Variants in OR2T33 observed in about 807,000 individuals in gnomAD.
OR2T33 encodes the protein olfactory receptor family 2 subfamily T member 33.
In OR2T33, 10 loss-of-function variants were observed where a neutral mutation model predicts 14.0. The observed-to-expected ratio is 0.72, with a 90% CI of 0.44 to 1.22. OR2T33 has a LOEUF of 1.22. OR2T33 is among the 50% of genes most tolerant of loss of function. The probability of loss-of-function intolerance (pLI) is 0.00; values close to 1 mark genes in which losing one functional copy is unlikely to be tolerated. For synonymous variants in OR2T33, 103 were observed against 159.4 expected, an observed-to-expected ratio of 0.65 and a Z score of 2.66; for missense variants, 276 against 405.9, an observed-to-expected ratio of 0.68 and a Z score of 2.75.
At chr1:248,275,702 T>A (rs542877018) in intron 1 of OR2T33, among the ~76,000 whole-genome samples, 5 of 147,380 alleles carry the variant, frequency 3.4e-5, no homozygotes, top group South Asian at 2.2e-4. Flanking sequence ...TAAAATAAAA[T>A]AGAATAATAA....
intron 1 of OR2T33, among the ~76,000 whole-genome samples, chr1:248,276,057 G>A (rs750342431): frequency 2.0e-5 from 3 of 152,200 alleles, no homozygotes; most frequent in South Asian, 2.1e-4. Context: ...GGATGGTTTC[G>A]GGATGATACT....
At chr1:248,274,304 A>C (rs1659424987) in intron 1 of OR2T33, among the ~76,000 whole-genome samples, 1 of 152,180 alleles carries the variant, frequency 6.6e-6, no homozygotes, top group Non-Finnish European at 1.5e-5. Context: ...CAGTTGCTTT[A>C]TTTTAGGTTA....
rs1255132037 is a variant in OR2T33, at chr1:248,272,167, G to T, written c.*685C>A. Reference sequence around the variant, plus strand: ...AAGCAGGTGTAGAAAACAGAACTTAGTTGTAGTTTAAAACAATTTTCCAAT... The same window carrying T: ...AAGCAGGTGTAGAAAACAGAACTTATTTGTAGTTTAAAACAATTTTCCAAT... On this transcript the variant is annotated 3_prime_UTR_variant, in exon 2 of 2. Coordinates refer to ENST00000641220, the MANE Select transcript of OR2T33 (RefSeq NM_001004695.2). The T allele has an allele frequency of 1.3e-5, 2 of 151,986 alleles. No homozygotes were observed. Among genetic ancestry groups the T allele is most frequent in the Non-Finnish European group, 2.9e-5 (2 of 68,002 alleles). 9.4% of individuals were successfully genotyped at this position (151,986 alleles called of 1,614,324 possible). A position where few individuals can be genotyped will look rare whatever the true frequency, so the allele number is the denominator to read the frequency against.
At chr1:248,277,260 C>A (rs1411234826) in intron 1 of OR2T33, among the ~76,000 whole-genome samples, 1 of 151,960 alleles carries the variant, frequency 6.6e-6, no homozygotes, top group Non-Finnish European at 1.5e-5. Flanking sequence ...CATGCCCTTT[C>A]TGAAGCTGGT....
intron 1 of OR2T33, among the ~76,000 whole-genome samples, chr1:248,274,704 T>C (rs1206940759): frequency 6.6e-6 from 1 of 152,180 alleles, no homozygotes; most frequent in East Asian, 1.9e-4. Flanking sequence ...TAAGTAGTAC[T>C]TCGAGTAAGA....
At chr1:248,275,680 C>T (rs1226260676) in intron 1 of OR2T33, among the ~76,000 whole-genome samples, 1 of 150,686 alleles carries the variant, frequency 6.6e-6, no homozygotes, top group Non-Finnish European at 1.5e-5. Flanking sequence ...ACATGTATCC[C>T]AGAACTCAGA....
In OR2T33 at chr1:248,273,380, C is replaced by G; in HGVS notation, c.435G>C (p.Ser145=). The change falls in exon 2 of 2, where the codon TCG becomes TCC. Residue 145 remains serine (S), a synonymous_variant. Coordinates refer to ENST00000641220, the MANE Select transcript of OR2T33 (RefSeq NM_001004695.2). The stretch of plus-strand genomic sequence containing the variant: ...CGTCAGCTGCACCCAGGAGCCAACA[C>G]GACATGGTCATCCTCAGGCACAGCT... ...SWQLCLRMTM[S]CWLLGAADGL... 6.2e-7 allele frequency: 1 copy of G among 1,611,260 alleles called. No homozygotes were observed. The highest frequency in any genetic ancestry group is 8.5e-7 in the Non-Finnish European group (1 of 1,179,546).
intron 1 of OR2T33, among the ~76,000 whole-genome samples, chr1:248,276,077 C>T (rs977522312): frequency 2.6e-5 from 4 of 152,076 alleles, no homozygotes; most frequent in South Asian, 2.1e-4. Flanking sequence ...TGTTTCACCT[C>T]GGATCATCAG....
At chr1:248,276,581 T>C (rs1659449506) in intron 1 of OR2T33, among the ~76,000 whole-genome samples, 1 of 152,144 alleles carries the variant, frequency 6.6e-6, no homozygotes, top group East Asian at 1.9e-4. Context: ...TGGTTATACT[T>C]ATTCAAAATT....
chr1:248,272,981 C>T lies in OR2T33; in HGVS notation c.834G>A (p.Met278Ile), dbSNP rs750256099. ...TGAGGGGGTTTAGTAAAGGGGTGAA[C>T]ATAGTATAGAAGGCTGACACAACCT... ...HDKVVSAFYT[M>I]FTPLLNPLIY... The change falls in exon 2 of 2, where the codon ATG (methionine) becomes ATA (isoleucine). Residue 278 changes from methionine (M) to isoleucine (I), a missense_variant. Transcript: ENST00000641220. 2.5e-6 allele frequency: 4 copies of T among 1,613,868 alleles called. No individual in the cohort carries two copies. The South Asian group carries it at 3.3e-5, about 13-fold the overall frequency.
At position 248,273,657 on chromosome 1, in the gene OR2T33, A is replaced by G; in HGVS notation, c.158T>C (p.Leu53Pro). ...CAGGAGGAAGTACATGGGCGTGTGG[A>G]GCCGGTGGTCCCAGTGAATCAGGAG... ...MILLIHWDHR[L>P]HTPMYFLLSQ... The change falls in exon 2 of 2, where the codon CTC (leucine) becomes CCC (proline). Residue 53 changes from leucine (L) to proline (P), a missense_variant. Transcript: ENST00000641220. 6.2e-7 allele frequency: 1 copy of G among 1,613,540 alleles called. No individual in the cohort carries two copies. The highest frequency in any genetic ancestry group is 8.5e-7 in the Non-Finnish European group (1 of 1,179,820).
chr1:248,272,830 C>T lies in OR2T33; in HGVS notation c.*22G>A, dbSNP rs1385688809. The T allele has an allele frequency of 3.8e-6, 6 of 1,588,368 alleles. No homozygotes were observed. The highest frequency in any genetic ancestry group is 4.3e-6 in the Non-Finnish European group (5 of 1,169,232). Reference sequence around the variant, plus strand: ...GTTAAAATATTAATAAATTCAGGAACTTAGACTCATTTGACATTAGATCAT... The same window carrying T: ...GTTAAAATATTAATAAATTCAGGAATTTAGACTCATTTGACATTAGATCAT... On this transcript the variant is annotated 3_prime_UTR_variant, in exon 2 of 2. Transcript: ENST00000641220.
In OR2T33 at chr1:248,270,142, C is replaced by A. The variant is rs577035841; in HGVS notation, c.*2710G>T. The stretch of plus-strand genomic sequence containing the variant: ...TAGGGACACGGATGAAGCTGGAAAC[C>A]ATCATTCTCAGCAAACTATCGCAAG... On this transcript the variant is annotated 3_prime_UTR_variant, in exon 2 of 2. Transcript: ENST00000641220. 48 of 152,178 alleles carry A rather than the reference C, an allele frequency of 3.2e-4. No homozygotes were observed. Among genetic ancestry groups the A allele is most frequent in the Middle Eastern group, 6.7e-3 (2 of 298 alleles). The allele number at this position is 152,178 out of a possible 1,614,324, so 9.4% of individuals were successfully genotyped here.
Position 248,271,208 on chromosome 1 carries a change from C to T in OR2T33, c.*1644G>A, listed in dbSNP as rs1659366354. ...TTTTATCCTTACAAAATTTTATAGG[C>T]TTAGTTTACCATTTTTAGCTCAACA... On this transcript the variant is annotated 3_prime_UTR_variant, in exon 2 of 2. Coordinates refer to ENST00000641220, the MANE Select transcript of OR2T33 (RefSeq NM_001004695.2). The T allele has an allele frequency of 6.6e-6, 1 of 152,096 alleles. No homozygotes were observed. Among genetic ancestry groups the T allele is most frequent in the Non-Finnish European group, 1.5e-5 (1 of 67,992 alleles). The allele number at this position is 152,096 out of a possible 1,614,324, so 9.4% of individuals were successfully genotyped here. A position where few individuals can be genotyped will look rare whatever the true frequency, so the allele number is the denominator to read the frequency against.
Position 248,273,065 on chromosome 1 carries a change from A to C in OR2T33, c.750T>G (p.Tyr250Ter), listed in dbSNP as rs777361821. The C allele has an allele frequency of 6.2e-7, 1 of 1,613,402 alleles. No homozygotes were observed. Among genetic ancestry groups the C allele is most frequent in the South Asian group, 1.1e-5 (1 of 91,046 alleles). ...SSHVAVVGLFYGAAIFTYMRP... is the reference protein window; with the variant it reads ...SSHVAVVGLF ...TCATATAGGTAAAAATGGCAGCTCC[A>C]TAAAAGAGTCCCACCACAGCCACAT... The change falls in exon 2 of 2, where the codon TAT becomes TAG. Residue 250 changes from tyrosine (Y) to a stop codon, truncating the protein, a stop_gained. Transcript: ENST00000641220. LOFTEE classifies it high-confidence loss of function.
At chr1:248,276,406 T>C (rs543631436) in intron 1 of OR2T33, among the ~76,000 whole-genome samples, 1 of 152,218 alleles carries the variant, frequency 6.6e-6, no homozygotes, top group Non-Finnish European at 1.5e-5. Flanking sequence ...TTTATTAGTT[T>C]AGTTCATTTT....
rs1659381126 is a variant in OR2T33, at chr1:248,272,238, T to C, written c.*614A>G. 1 of 152,118 alleles carries C rather than the reference T, an allele frequency of 6.6e-6. No homozygotes were observed. Among genetic ancestry groups the C allele is most frequent in the South Asian group, 2.1e-4 (1 of 4,828 alleles). The allele number at this position is 152,118 out of a possible 1,614,324, so 9.4% of individuals were successfully genotyped here. A position where few individuals can be genotyped will look rare whatever the true frequency, so the allele number is the denominator to read the frequency against. On this transcript the variant is annotated 3_prime_UTR_variant, in exon 2 of 2. Coordinates refer to ENST00000641220, the MANE Select transcript of OR2T33 (RefSeq NM_001004695.2). ...GAAAAAAAAATACTTAAATGAAAGGTTACATAAATTAAAAAAGGCTTACGT... is the reference window on the plus strand; with the variant it reads ...GAAAAAAAAATACTTAAATGAAAGGCTACATAAATTAAAAAAGGCTTACGT...
chr1:248,275,105 A>T (rs1475487589), intron 1 of OR2T33, among the ~76,000 whole-genome samples: 5 of 152,244 alleles, frequency 3.3e-5, no homozygotes, highest in Non-Finnish European at 2.9e-5. Context: ...AATATTCGCA[A>T]ATGTCATGCC....
chr1:248,277,583 T>G (rs1237535318), intron 1 of OR2T33, among the ~76,000 whole-genome samples, 182 bp downstream of exon 1: 1 of 152,126 alleles, frequency 6.6e-6, no homozygotes, highest in African/African-American at 2.4e-5. Flanking sequence ...ATCTTACATA[T>G]TCAAAACACC....
Sources: allele counts gnomAD v4.1 joint callset (sites outside exome capture counted in the v4.1 genomes callset), GRCh38; gene constraint gnomAD v4.1.1; transcripts MANE v1.5; gene names NCBI Gene and HGNC (gene_info 2026-07-23, HGNC 2026-07-21).